The following ASTN2 variants were observed in gnomAD, a reference collection of about 807,000 sequenced individuals.
ASTN2 encodes the protein astrotactin-2.
Under a neutral mutation model 139.8 loss-of-function variants are expected in ASTN2, and 54 were observed. That is an observed-to-expected ratio of 0.39 (90% CI 0.31 to 0.48). ASTN2 has a LOEUF of 0.48. Ranked by LOEUF, ASTN2 falls within the 20% of genes least tolerant of loss-of-function variation. The probability of loss-of-function intolerance (pLI) is 0.95; values close to 1 mark genes in which losing one functional copy is unlikely to be tolerated. For synonymous variants in ASTN2, 756 were observed against 719.5 expected (o/e 1.05, Z -0.81); for missense variants, 1,565 against 1,725.1 (o/e 0.91, Z 1.64).
intron 16 of ASTN2, among the ~76,000 whole-genome samples, chr9:116,689,196 A>G (rs1267402870): frequency 6.6e-6 from 1 of 152,186 alleles, no homozygotes; most frequent in Non-Finnish European, 1.5e-5. Context: ...CCCTGGGTTC[A>G]AGTCCTAGCT....
intron 13 of ASTN2, among the ~76,000 whole-genome samples, chr9:116,734,123 C>T (rs1828859302): frequency 6.6e-6 from 1 of 151,944 alleles, no homozygotes; most frequent in South Asian, 2.1e-4. Context: ...AAACTGAGGC[C>T]TGGAGAAAGG....
At chr9:116,617,816 G>A (rs1855930621) in intron 19 of ASTN2, among the ~76,000 whole-genome samples, 1 of 152,182 alleles carries the variant, frequency 6.6e-6, no homozygotes, top group African/African-American at 2.4e-5. Flanking sequence ...CGGAAATAAT[G>A]TTCTGAGTGA....
At chr9:117,228,164 T>A (rs575166646) in intron 2 of ASTN2, among the ~76,000 whole-genome samples, 1 of 152,214 alleles carries the variant, frequency 6.6e-6, no homozygotes, top group East Asian at 1.9e-4. Context: ...ATCATGTTTT[T>A]AAAAGAACTA....
intron 20 of ASTN2, among the ~76,000 whole-genome samples, chr9:116,463,260 GTTCATCACACTTCTCCAAGGGTCT>G (rs1270601679): frequency 6.6e-6 from 1 of 151,978 alleles, no homozygotes; most frequent in Non-Finnish European, 1.5e-5. Context: ...ACCCTAATCT[GTTCATCACACTTCTCCAAGGGTCT>G]TTTTCTGAAA....
In ASTN2 at chr9:116,820,791, G is replaced by A. The variant is rs760716050; in HGVS notation, c.2041-8C>T. The A allele has an allele frequency of 6.2e-7, 1 of 1,610,080 alleles. No homozygotes were observed. The highest frequency in any genetic ancestry group is 8.5e-7 in the Non-Finnish European group (1 of 1,177,292). On this transcript the variant is annotated splice_region_variant and splice_polypyrimidine_tract_variant and intron_variant, in intron 11 of 22. Coordinates refer to ENST00000313400, the MANE Select transcript of ASTN2 (RefSeq NM_001365068.1). ...TTTCAGCTCCTCAGGGCACTGCTCAGAGAGAGGGCAACAGGGTAGTTATGG... is the reference window on the plus strand; with the variant it reads ...TTTCAGCTCCTCAGGGCACTGCTCAAAGAGAGGGCAACAGGGTAGTTATGG...
At chr9:116,745,326 AC>A (rs1252212114) in intron 13 of ASTN2, among the ~76,000 whole-genome samples, 1 of 152,122 alleles carries the variant, frequency 6.6e-6, no homozygotes. Flanking sequence ...CCTTCTCTGA[AC>A]TGTGAACTCC....
At chr9:117,212,388 G>GA (rs539612145) in intron 3 of ASTN2, among the ~76,000 whole-genome samples, 6 of 148,920 alleles carry the variant, frequency 4.0e-5, no homozygotes, top group East Asian at 3.9e-4. Flanking sequence ...CACAGGCAAA[G>GA]AAAAAAAAAG....
intron 10 of ASTN2, among the ~76,000 whole-genome samples, chr9:116,878,951 G>C (rs938747290): frequency 1.3e-5 from 2 of 151,844 alleles, no homozygotes; most frequent in African/African-American, 2.4e-5. Context: ...CAGAAAGCCA[G>C]CACCTTCCCC....
chr9:116,916,181 T>A (rs1049694455), intron 10 of ASTN2, among the ~76,000 whole-genome samples: 10 of 152,158 alleles, frequency 6.6e-5, no homozygotes, highest in Admixed American at 2.6e-4. Flanking sequence ...TTCCACATGT[T>A]GGGGTTTCAT....
intron 1 of ASTN2, among the ~76,000 whole-genome samples, chr9:117,323,530 C>A (rs1057455925): frequency 1.3e-5 from 2 of 152,178 alleles, no homozygotes; most frequent in African/African-American, 4.8e-5. Context: ...TGGCTTTACT[C>A]CAGCCCCCAC....
chr9:117,375,534 T>C (rs181778984), intron 1 of ASTN2, among the ~76,000 whole-genome samples: 2 of 152,278 alleles, frequency 1.3e-5, no homozygotes, highest in Non-Finnish European at 2.9e-5. Context: ...TCTTATACAG[T>C]CCTCATAAAT....
At chr9:117,367,480 G>A (rs1459118353) in intron 1 of ASTN2, among the ~76,000 whole-genome samples, 1 of 152,124 alleles carries the variant, frequency 6.6e-6, no homozygotes, top group African/African-American at 2.4e-5. Context: ...ACATTTTCAT[G>A]ATCCTCTGGG....
intron 6 of ASTN2, among the ~76,000 whole-genome samples, chr9:117,031,800 CG>C (rs1428629498): frequency 6.6e-6 from 1 of 151,870 alleles, no homozygotes; most frequent in Non-Finnish European, 1.5e-5. Flanking sequence ...GGTGGTGTGA[CG>C]TAAGACTGGA....
In ASTN2 at chr9:116,640,366, A is replaced by G. The variant is rs113664905; in HGVS notation, c.3072+11162T>C. On this transcript the variant is annotated intron_variant, in intron 17 of 22. Transcript: ENST00000313400. ...TCAATCAGTTTCAAAAAATAAAAGT[A>G]TAATTAGAAAGTGTGATAACTGTTA... 4.9e-3 allele frequency among the ~76,000 whole-genome samples: 742 copies of G among 152,336 alleles called. 4 individuals are homozygous for G. Among genetic ancestry groups the G allele is most frequent in the African/African-American group, 0.017 (719 of 41,580 alleles).
At chr9:116,454,880 G>C (rs1280824307) in intron 20 of ASTN2, among the ~76,000 whole-genome samples, 3 of 152,082 alleles carry the variant, frequency 2.0e-5, no homozygotes, top group African/African-American at 7.2e-5. Flanking sequence ...CACACACTGG[G>C]GCCTGTCGTG....
intron 10 of ASTN2, among the ~76,000 whole-genome samples, chr9:116,924,663 G>A (rs192279419): frequency 1.3e-4 from 20 of 152,256 alleles, no homozygotes; most frequent in Non-Finnish European, 1.8e-4. Flanking sequence ...AAACAGTCAT[G>A]GTGCTGGTGG....
At chr9:116,567,455 G>C (rs1853292529) in intron 19 of ASTN2, among the ~76,000 whole-genome samples, 1 of 152,200 alleles carries the variant, frequency 6.6e-6, no homozygotes, top group Non-Finnish European at 1.5e-5. Flanking sequence ...TGTCCAGTCA[G>C]TGGGCTGGAA....
chr9:117,244,543 A>C, intron 2 of ASTN2, among the ~76,000 whole-genome samples: 1 of 138,088 alleles, frequency 7.2e-6, no homozygotes. Flanking sequence ...GAAGGAAGGA[A>C]GGTAGGACAG....
At chr9:117,385,972 T>C (rs1180717293) in intron 1 of ASTN2, among the ~76,000 whole-genome samples, 1 of 151,910 alleles carries the variant, frequency 6.6e-6, no homozygotes, top group Admixed American at 6.5e-5. Flanking sequence ...TGGGGGATGA[T>C]AATAGATGAA....
Sources: allele counts gnomAD v4.1 joint callset (sites outside exome capture counted in the v4.1 genomes callset), GRCh38; gene constraint gnomAD v4.1.1; transcripts MANE v1.5; gene names NCBI Gene and HGNC (gene_info 2026-07-23, HGNC 2026-07-21).